EPHA6: variants seen among roughly 807,000 people sequenced by gnomAD.
EPHA6 encodes EPH receptor A6.
In EPHA6, 50 loss-of-function variants were observed where a neutral mutation model predicts 112.0. That is an observed-to-expected ratio of 0.45 (90% confidence interval 0.36 to 0.56). The LOEUF is 0.56. Ranked by LOEUF, EPHA6 falls within the 20% of genes least tolerant of loss-of-function variation. The pLI is 0.00. For missense variants in EPHA6, 1,280 were observed against 1,417.4 expected (o/e 0.90, Z 1.56); for synonymous variants, 529 against 490.7 (o/e 1.08, Z -1.03).
chr3:97,066,683 CA>C (rs1224165799), intron 3 of EPHA6, among the ~76,000 whole-genome samples: 3 of 152,140 alleles, frequency 2.0e-5, no homozygotes, highest in East Asian at 3.9e-4. Context: ...GTCTTCTCAG[CA>C]CAGTAAACAG....
chr3:96,961,526 C>T (rs775753461), intron 2 of EPHA6, among the ~76,000 whole-genome samples: 4 of 152,144 alleles, frequency 2.6e-5, no homozygotes, highest in Non-Finnish European at 4.4e-5. Context: ...TTTTTTACTT[C>T]GCTTAATAAA....
At chr3:97,426,258 T>G (rs143681754) in intron 6 of EPHA6, among the ~76,000 whole-genome samples, 2,439 of 152,288 alleles carry the variant, frequency 0.016, 61 homozygotes, top group African/African-American at 0.053. Context: ...TCCATATAGC[T>G]GGGGAGGCCT....
intron 3 of EPHA6, among the ~76,000 whole-genome samples, chr3:97,077,115 C>G (rs566243155): frequency 2.0e-5 from 3 of 152,250 alleles, no homozygotes; most frequent in African/African-American, 7.2e-5. Context: ...AAGGCTATTG[C>G]TGCCCTGAAT....
chr3:96,968,127 T>C (rs1231411349), intron 2 of EPHA6, among the ~76,000 whole-genome samples: 1 of 151,850 alleles, frequency 6.6e-6, no homozygotes, highest in Admixed American at 6.6e-5. Context: ...TTATTTTCTA[T>C]TAACTTATAA....
chr3:97,479,457 G>GAA, intron 9 of EPHA6, 93 bp downstream of exon 9: 3 of 732,242 alleles, frequency 4.1e-6, no homozygotes, highest in South Asian at 7.1e-5. Flanking sequence ...GAGAAAAAAA[G>GAA]AAAAAAAAAA....
intron 7 of EPHA6, among the ~76,000 whole-genome samples, chr3:97,454,261 A>T: frequency 6.6e-6 from 1 of 151,886 alleles, no homozygotes; most frequent in South Asian, 2.1e-4. Context: ...TTCTTTACTA[A>T]GTTGTAAACT....
At chr3:97,447,233 AC>A (rs1271344068) in intron 6 of EPHA6, among the ~76,000 whole-genome samples, 1 of 152,196 alleles carries the variant, frequency 6.6e-6, no homozygotes, top group Non-Finnish European at 1.5e-5. Context: ...TTAAAGCATC[AC>A]CAGCAAATAC....
At chr3:97,404,341 C>T (rs2087195178) in intron 5 of EPHA6, among the ~76,000 whole-genome samples, 1 of 152,092 alleles carries the variant, frequency 6.6e-6, no homozygotes, top group Admixed American at 6.6e-5. Flanking sequence ...TTGTGCCAAT[C>T]TGTTACGTGA....
intron 3 of EPHA6, among the ~76,000 whole-genome samples, chr3:96,993,626 A>G (rs2043301098): frequency 2.0e-5 from 3 of 152,112 alleles, no homozygotes; most frequent in South Asian, 4.1e-4. Flanking sequence ...CCAGACCCAA[A>G]GCACAGGAGC....
intron 3 of EPHA6, among the ~76,000 whole-genome samples, chr3:97,117,412 T>TA (rs1474057279): frequency 1.3e-5 from 2 of 151,768 alleles, no homozygotes; most frequent in East Asian, 3.9e-4. Context: ...ACCAATGTCC[T>TA]AAAAAATTTC....
chr3:97,664,499 G>C (rs1340795683), intron 14 of EPHA6, among the ~76,000 whole-genome samples: 1 of 152,048 alleles, frequency 6.6e-6, no homozygotes, highest in Admixed American at 6.6e-5. Context: ...AGAAATAAAG[G>C]GTATTCAATT....
intron 13 of EPHA6, among the ~76,000 whole-genome samples, chr3:97,619,767 T>C (rs887538709): frequency 6.6e-6 from 1 of 151,828 alleles, no homozygotes; most frequent in Non-Finnish European, 1.5e-5. Context: ...AAATCAGAGC[T>C]GACACAAACA....
chr3:97,167,956 T>C (rs2108417156), intron 3 of EPHA6, among the ~76,000 whole-genome samples: 1 of 152,148 alleles, frequency 6.6e-6, no homozygotes, highest in East Asian at 1.9e-4. Context: ...GACTTTACCT[T>C]TCTCTTTGAT....
intron 1 of EPHA6, among the ~76,000 whole-genome samples, chr3:96,860,837 G>A (rs1370727351): frequency 6.6e-6 from 1 of 152,062 alleles, no homozygotes; most frequent in African/African-American, 2.4e-5. Flanking sequence ...ATTTGCTTAC[G>A]AAGTGCTGAA....
At chr3:97,045,838 C>T (rs1200167453) in intron 3 of EPHA6, among the ~76,000 whole-genome samples, 2 of 151,950 alleles carry the variant, frequency 1.3e-5, no homozygotes, top group Non-Finnish European at 2.9e-5. Flanking sequence ...GGGTACATAT[C>T]ATGGTGAGAT....
chr3:97,068,618 A>T (rs970748762), intron 3 of EPHA6, among the ~76,000 whole-genome samples: 4 of 149,566 alleles, frequency 2.7e-5, no homozygotes, highest in African/African-American at 7.3e-5. Flanking sequence ...GTACACACTC[A>T]CACACACACA....
At chr3:97,575,658 C>A (rs549752398) in intron 11 of EPHA6, among the ~76,000 whole-genome samples, 1 of 152,094 alleles carries the variant, frequency 6.6e-6, no homozygotes, top group Non-Finnish European at 1.5e-5. Context: ...TGATATAAAT[C>A]ATAAGTATTA....
At chr3:97,500,031 A>G (rs140527555) in intron 10 of EPHA6, among the ~76,000 whole-genome samples, 279 of 152,296 alleles carry the variant, frequency 1.8e-3, no homozygotes, top group African/African-American at 6.1e-3. Flanking sequence ...ACAGCTGTAT[A>G]AAAGATTATC....
rs565959625 is a variant in EPHA6, at chr3:97,420,766, TACTC to T, written c.1731+15494_1731+15497del. Among the ~76,000 whole-genome samples, 206 of 151,686 alleles carry T rather than the reference TACTC, an allele frequency of 1.4e-3. 2 individuals carry two copies. Among genetic ancestry groups the T allele is most frequent in the African/African-American group, 4.7e-3 (195 of 41,416 alleles). On this transcript the variant is annotated intron_variant, in intron 6 of 17. Coordinates refer to ENST00000389672, the MANE Select transcript of EPHA6 (RefSeq NM_001080448.3). ...AGAAATAATAACTACAGGTAAATCT[TACTC>T]AGAAGCATAGGTACAAAATCCTAAA...
Sources: gnomAD v4.1 joint callset for allele counts (sites outside exome capture counted in the v4.1 genomes callset) on GRCh38, gnomAD v4.1.1 for gene constraint, MANE v1.5 for transcripts, NCBI Gene and HGNC (gene_info 2026-07-23, HGNC 2026-07-21) for gene names.